ABCC9: variants seen among roughly 807,000 people sequenced by gnomAD.
The protein encoded by ABCC9 is ATP-binding cassette sub-family C member 9.
ABCC9 carries 95 observed loss-of-function variants against 188.3 expected under a neutral mutation model. The ratio of observed to expected loss-of-function variants is 0.50; its 90% confidence interval spans 0.43 to 0.60. ABCC9 has a LOEUF of 0.60. ABCC9 is among the 20% of genes least tolerant of loss of function. The pLI, the probability that ABCC9 is intolerant of heterozygous loss-of-function variation, is 0.00. For missense variants in ABCC9, 1,102 were observed against 1,876.3 expected (o/e 0.59, Z 7.62); for synonymous variants, 659 against 652.7 (o/e 1.01, Z -0.15).
chr12:21,916,891 G>T, intron 6 of ABCC9, 46 bp downstream of exon 6: 1 of 1,532,088 alleles, frequency 6.5e-7, no homozygotes, highest in South Asian at 1.3e-5. Context: ...CTTTCATATT[G>T]GGGTCTTGAA....
Position 21,906,223 on chromosome 12 carries a change from C to T in ABCC9, c.1521G>A (p.Leu507=), listed in dbSNP as rs1565470512. The T allele has an allele frequency of 6.2e-7, 1 of 1,612,946 alleles. No individual in the cohort carries two copies. The highest frequency in any genetic ancestry group is 8.5e-7 in the Non-Finnish European group (1 of 1,179,300). Residue 507 remains leucine (L), a synonymous_variant, in exon 12 of 40, where the codon TTG becomes TTA. Coordinates refer to ENST00000261200, the MANE Select transcript of ABCC9 (RefSeq NM_020297.4). The part of the protein sequence containing the change: ...EILKGIKLLK[L]YAWEHIFCKS... ...TGCAGAAAATGTGTTCCCAGGCATA[C>T]AATTTTAGAAGTTTGATGCCTTTCA...
intron 20 of ABCC9, 72 bp from the exon 21 acceptor site, chr12:21,861,127 A>G (rs183326198): frequency 1.8e-5 from 22 of 1,205,686 alleles, no homozygotes; most frequent in Admixed American, 8.4e-5. Context: ...GCCAAATTCA[A>G]TACTTTGGAA....
rs1242825083 is a variant in ABCC9 at position 21,799,428 on chromosome 12, AT to A, written c.*1615del. 2.0e-5 allele frequency: 3 copies of A among 152,188 alleles called. No homozygotes were observed. Among genetic ancestry groups the A allele is most frequent in the African/African-American group, 7.2e-5 (3 of 41,448 alleles). 9.4% of individuals were successfully genotyped at this position (152,188 alleles called of 1,614,324 possible). On this transcript the variant is annotated 3_prime_UTR_variant, in exon 40 of 40. Coordinates refer to ENST00000261200, the MANE Select transcript of ABCC9 (RefSeq NM_020297.4). Reference sequence around the variant, plus strand: ...TTTTAGAAAATATTTGCAAGACATAATTAATGAGTACCAATCCTATTCTGTT... The same window carrying A: ...TTTTAGAAAATATTTGCAAGACATAATAATGAGTACCAATCCTATTCTGTT...
chr12:21,854,911 A>G (rs1292224889), intron 22 of ABCC9, among the ~76,000 whole-genome samples: 1 of 152,162 alleles, frequency 6.6e-6, no homozygotes, highest in African/African-American at 2.4e-5. Flanking sequence ...TACACTGACA[A>G]AAGTGTCTCC....
rs113179615 is a variant in ABCC9 at position 21,884,163 on chromosome 12, C to T, written c.1912-1290G>A. ...CACAGCTCACTGCAGCCTTGACCAC[C>T]GAGGTTCAAGTGATCCTCCCACCTC... On this transcript the variant is annotated intron_variant, in intron 15 of 39. Transcript: ENST00000261200. Among the ~76,000 whole-genome samples, 253 of 151,912 alleles carry T rather than the reference C, an allele frequency of 1.7e-3. 3 individuals carry two copies. The South Asian group carries it at 0.032, about 19-fold the overall frequency.
At chr12:21,809,365 A>G (rs1942072561) in intron 37 of ABCC9, among the ~76,000 whole-genome samples, 1 of 152,198 alleles carries the variant, frequency 6.6e-6, no homozygotes, top group Non-Finnish European at 1.5e-5. Context: ...GTCTTCAAAC[A>G]CAAAGAAAAT....
intron 24 of ABCC9, among the ~76,000 whole-genome samples, chr12:21,849,479 A>T (rs1944853389): frequency 6.6e-6 from 1 of 152,180 alleles, no homozygotes; most frequent in African/African-American, 2.4e-5. Context: ...ATTAAAGAGG[A>T]TCCCTGTCTT....
chr12:21,874,716 GGAT>G (rs1359373569), intron 17 of ABCC9, among the ~76,000 whole-genome samples: 1 of 152,106 alleles, frequency 6.6e-6, no homozygotes, highest in African/African-American at 2.4e-5. Context: ...ACAACAACAT[GGAT>G]GAACCTAGAG....
chr12:21,806,660 GTATTACC>G (rs1326722325), intron 38 of ABCC9, among the ~76,000 whole-genome samples: 1 of 152,118 alleles, frequency 6.6e-6, no homozygotes. Flanking sequence ...TGTTGAGGCA[GTATTACC>G]GTTATAATAA....
intron 31 of ABCC9, among the ~76,000 whole-genome samples, chr12:21,819,653 C>T (rs1942910890): frequency 6.6e-6 from 1 of 152,022 alleles, no homozygotes; most frequent in African/African-American, 2.4e-5. Context: ...TGTTAAATAC[C>T]AGTTAGATTT....
intron 19 of ABCC9, among the ~76,000 whole-genome samples, chr12:21,864,140 T>TA (rs1945665197): frequency 6.6e-6 from 1 of 152,152 alleles, no homozygotes. Context: ...TATTAATTCT[T>TA]ACATTTTTAT....
chr12:21,870,970 A>T (rs1421969674), intron 18 of ABCC9, among the ~76,000 whole-genome samples: 1 of 152,186 alleles, frequency 6.6e-6, no homozygotes, highest in Non-Finnish European at 1.5e-5. Context: ...ATTTAGCTCA[A>T]GTGGGGCTGG....
At chr12:21,864,742 C>G (rs1031487645) in intron 18 of ABCC9, among the ~76,000 whole-genome samples, 1 of 152,178 alleles carries the variant, frequency 6.6e-6, no homozygotes, top group Non-Finnish European at 1.5e-5. Flanking sequence ...CATACAATGA[C>G]TGGGTTCTAG....
chr12:21,812,950 G>A (rs1942360121), intron 35 of ABCC9, among the ~76,000 whole-genome samples: 1 of 151,978 alleles, frequency 6.6e-6, no homozygotes. Flanking sequence ...TTCTGTTTAT[G>A]TGATCATACC....
At chr12:21,878,057 G>A (rs1565438278) in intron 16 of ABCC9, among the ~76,000 whole-genome samples, 1 of 152,112 alleles carries the variant, frequency 6.6e-6, no homozygotes, top group Non-Finnish European at 1.5e-5. Context: ...AGAAAACTTG[G>A]GTACCAGGAT....
At chr12:21,861,184 G>T in intron 20 of ABCC9, 129 bp from the exon 21 acceptor site, 1 of 762,220 alleles carries the variant, frequency 1.3e-6, no homozygotes, top group Non-Finnish European at 2.3e-6. Flanking sequence ...GCCAGCCTCT[G>T]CTCTACATTT....
Position 21,822,315 on chromosome 12 carries a change from G to GTTTT in ABCC9, c.3670-4068_3670-4065dup, listed in dbSNP as rs558814236. On this transcript the variant is annotated intron_variant, in intron 31 of 39. Coordinates refer to ENST00000261200, the MANE Select transcript of ABCC9 (RefSeq NM_020297.4). ...TGGATTACTACCACTGCTAAAAACTGTTTTTTTTTTTTCTAAAGTACTGGA... is the reference window on the plus strand; with the variant it reads ...TGGATTACTACCACTGCTAAAAACTGTTTTTTTTTTTTTTTTCTAAAGTACTGGA... 4.9e-5 allele frequency among the ~76,000 whole-genome samples: 7 copies of GTTTT among 141,556 alleles called. 1 individual carries two copies. Among genetic ancestry groups the GTTTT allele is most frequent in the African/African-American group, 1.5e-4 (6 of 38,764 alleles). 92.9% of individuals were successfully genotyped at this position (141,556 alleles called of 152,430 possible).
intron 39 of ABCC9, among the ~76,000 whole-genome samples, chr12:21,802,485 A>C (rs1941515668): frequency 6.6e-6 from 1 of 152,214 alleles, no homozygotes; most frequent in African/African-American, 2.4e-5. Context: ...ATTTTAACCC[A>C]ATCTATTCAG....
intron 34 of ABCC9, 113 bp downstream of exon 34, chr12:21,815,650 C>G: frequency 7.6e-7 from 1 of 1,314,452 alleles, no homozygotes; most frequent in Non-Finnish European, 1.1e-6. Context: ...TGACCTACAT[C>G]AGGTAGGGAA....
Sources: allele counts gnomAD v4.1 joint callset (sites outside exome capture counted in the v4.1 genomes callset), GRCh38; gene constraint gnomAD v4.1.1; transcripts MANE v1.5; gene names NCBI Gene and HGNC (gene_info 2026-07-23, HGNC 2026-07-21).